DMRT1: variants seen among roughly 807,000 people sequenced by gnomAD.
DMRT1 encodes the protein doublesex and mab-3 related transcription factor 1, also known as doublesex- and mab-3-related transcription factor 1.
In DMRT1, 7 loss-of-function variants were observed where a neutral mutation model predicts 32.3. The ratio of observed to expected loss-of-function variants is 0.22; its 90% confidence interval spans 0.12 to 0.41. DMRT1 has a LOEUF of 0.41. Among genes scored for constraint, DMRT1 ranks in the 10% least tolerant of loss-of-function variants. The pLI, the probability that DMRT1 is intolerant of heterozygous loss-of-function variation, is 1.00. For missense variants in DMRT1, 625 were observed against 500.5 expected (o/e 1.25, Z -2.37); for synonymous variants, 278 against 206.1 (o/e 1.35, Z -2.99).
chr9:954,177 G>T (rs898999697), intron 4 of DMRT1, among the ~76,000 whole-genome samples: 4 of 152,136 alleles, frequency 2.6e-5, no homozygotes, highest in African/African-American at 9.7e-5. Context: ...TGGGCAATCA[G>T]ATTGCTCTTG....
intron 2 of DMRT1, among the ~76,000 whole-genome samples, chr9:867,050 G>A (rs1816023036): frequency 6.6e-6 from 1 of 152,118 alleles, no homozygotes; most frequent in Non-Finnish European, 1.5e-5. Context: ...AATGATGTAT[G>A]ACTTGGAGAG....
At chr9:869,800 C>G (rs1432917033) in intron 2 of DMRT1, among the ~76,000 whole-genome samples, 1 of 152,038 alleles carries the variant, frequency 6.6e-6, no homozygotes, top group African/African-American at 2.4e-5. Flanking sequence ...AGTTAATAGT[C>G]TTTTCTCCTC....
At chr9:920,582 T>G (rs1487590394) in intron 4 of DMRT1, among the ~76,000 whole-genome samples, 1 of 152,206 alleles carries the variant, frequency 6.6e-6, no homozygotes, top group Non-Finnish European at 1.5e-5. Context: ...GTGCAGTGAA[T>G]ACAGGCAGCT....
chr9:842,256 A>ATTTTTTTTTTTTTTT (rs1554739444), intron 1 of DMRT1, 64 bp downstream of exon 1: 1 of 1,232,960 alleles, frequency 8.1e-7, no homozygotes, highest in African/African-American at 2.7e-5. Context: ...TTTTTTTTAG[A>ATTTTTTTTTTTTTTT]TGGAGTCTCG....
intron 3 of DMRT1, among the ~76,000 whole-genome samples, chr9:915,224 G>A (rs10117219): frequency 0.18 from 27,436 of 152,062 alleles, 3,239 homozygotes; most frequent in African/African-American, 0.33. Context: ...TGTTGTTGCC[G>A]TGAAGATGTG....
chr9:966,592 G>C (rs1318243194), intron 4 of DMRT1, among the ~76,000 whole-genome samples: 1 of 152,164 alleles, frequency 6.6e-6, no homozygotes, highest in Non-Finnish European at 1.5e-5. Context: ...TGTCACACTG[G>C]AAGAAGGGGG....
chr9:907,425 G>C (rs1817815754), intron 3 of DMRT1, among the ~76,000 whole-genome samples: 1 of 152,072 alleles, frequency 6.6e-6, no homozygotes, highest in Admixed American at 6.6e-5. Context: ...GATGAAGAAG[G>C]CGCTGAGCTA....
At chr9:925,041 C>T (rs1412457621) in intron 4 of DMRT1, among the ~76,000 whole-genome samples, 5 of 152,192 alleles carry the variant, frequency 3.3e-5, no homozygotes, top group South Asian at 2.1e-4. Context: ...AATAGCAAGA[C>T]TTCCCAGGGG....
At chr9:868,854 A>T (rs1367425174) in intron 2 of DMRT1, among the ~76,000 whole-genome samples, 1 of 152,028 alleles carries the variant, frequency 6.6e-6, no homozygotes, top group Non-Finnish European at 1.5e-5. Context: ...TACAAAAAAT[A>T]AAAAAATTAG....
chr9:850,576 T>C (rs968439370), intron 2 of DMRT1, among the ~76,000 whole-genome samples: 2 of 152,232 alleles, frequency 1.3e-5, no homozygotes, highest in African/African-American at 4.8e-5. Context: ...GATGATTTAC[T>C]GCATGTACAG....
At chr9:906,612 A>G (rs1374537170) in intron 3 of DMRT1, among the ~76,000 whole-genome samples, 1 of 152,206 alleles carries the variant, frequency 6.6e-6, no homozygotes, top group African/African-American at 2.4e-5. Flanking sequence ...CAAGGTGGGA[A>G]CAGATATGGA....
chr9:895,393 A>T (rs1465025064), intron 3 of DMRT1, among the ~76,000 whole-genome samples: 1 of 152,172 alleles, frequency 6.6e-6, no homozygotes, highest in African/African-American at 2.4e-5. Context: ...AGACATTAGG[A>T]TTCTGCAAGA....
intron 2 of DMRT1, among the ~76,000 whole-genome samples, chr9:883,823 C>G (rs538252807): frequency 2.6e-4 from 40 of 151,680 alleles, no homozygotes; most frequent in Non-Finnish European, 5.3e-4. Flanking sequence ...AAACAACTTA[C>G]GCTTTTGCTA....
intron 4 of DMRT1, among the ~76,000 whole-genome samples, chr9:947,716 C>T (rs566865170): frequency 5.9e-5 from 9 of 152,230 alleles, no homozygotes; most frequent in South Asian, 2.1e-4. Flanking sequence ...CTCCGCCTCC[C>T]GACCAACCCC....
At chr9:859,262 A>G (rs7046706) in intron 2 of DMRT1, among the ~76,000 whole-genome samples, 141,281 of 152,206 alleles carry the variant, frequency 0.93, 65,721 homozygotes, top group Middle Eastern at 0.98. Context: ...TTGGGTAATA[A>G]GGGGCTCCAA....
At chr9:922,917 T>C (rs10759046) in intron 4 of DMRT1, among the ~76,000 whole-genome samples, 108,581 of 152,120 alleles carry the variant, frequency 0.71, 39,319 homozygotes, top group South Asian at 0.88. Flanking sequence ...CCGTCAGTGA[T>C]GGGCTCCATG....
At chr9:962,704 C>T (rs575696252) in intron 4 of DMRT1, among the ~76,000 whole-genome samples, 3 of 152,074 alleles carry the variant, frequency 2.0e-5, no homozygotes, top group East Asian at 3.9e-4. Context: ...AGGCTGAATG[C>T]GCCCCTTCTT....
At chr9:916,406 G>T (rs1274763952) in intron 3 of DMRT1, among the ~76,000 whole-genome samples, 1 of 151,228 alleles carries the variant, frequency 6.6e-6, no homozygotes, top group Admixed American at 6.6e-5. Flanking sequence ...TTTCTCTGTT[G>T]CCCAGGCTGG....
intron 2 of DMRT1, among the ~76,000 whole-genome samples, chr9:886,284 C>G (rs912535828): frequency 2.6e-5 from 4 of 152,194 alleles, no homozygotes; most frequent in African/African-American, 7.2e-5. Flanking sequence ...TGAGCGGAGT[C>G]TCGCTCTGTC....
Sources: gnomAD v4.1 joint callset for allele counts (sites outside exome capture counted in the v4.1 genomes callset) on GRCh38, gnomAD v4.1.1 for gene constraint, MANE v1.5 for transcripts, NCBI Gene and HGNC (gene_info 2026-07-23, HGNC 2026-07-21) for gene names.